KCNQ5: variants seen among roughly 807,000 people sequenced by gnomAD.
The protein encoded by KCNQ5 is potassium voltage-gated channel subfamily Q member 5.
Under a neutral mutation model 98.2 loss-of-function variants are expected in KCNQ5, and 30 were observed. That is an observed-to-expected ratio of 0.31 (90% CI 0.23 to 0.41). The LOEUF is 0.41. KCNQ5 is among the 10% of genes least tolerant of loss of function. KCNQ5 has a pLI of 1.00. For synonymous variants in KCNQ5, 458 were observed against 449.4 expected (o/e 1.02, Z -0.24); for missense variants, 835 against 1,182.5 (o/e 0.71, Z 4.31).
At chr6:72,860,320 A>G (rs182227441) in intron 1 of KCNQ5, among the ~76,000 whole-genome samples, 3 of 151,856 alleles carry the variant, frequency 2.0e-5, no homozygotes, top group African/African-American at 7.2e-5. Flanking sequence ...CTCTATTCCA[A>G]TTCGGTTATT....
At chr6:72,808,465 G>C (rs908644188) in intron 1 of KCNQ5, among the ~76,000 whole-genome samples, 2 of 152,146 alleles carry the variant, frequency 1.3e-5, no homozygotes, top group African/African-American at 4.8e-5. Context: ...GGTACCCATT[G>C]TCAAAACCCA....
At chr6:73,089,018 T>C (rs948320698) in intron 5 of KCNQ5, among the ~76,000 whole-genome samples, 12 of 152,178 alleles carry the variant, frequency 7.9e-5, no homozygotes, top group African/African-American at 2.7e-4. Flanking sequence ...ATTATGTACT[T>C]TGCTTACAAA....
chr6:73,124,666 G>A, intron 9 of KCNQ5, 154 bp downstream of exon 9: 1 of 715,210 alleles, frequency 1.4e-6, no homozygotes, highest in East Asian at 2.7e-5. Flanking sequence ...CTATTTTATT[G>A]ATATTTCGCC....
intron 1 of KCNQ5, among the ~76,000 whole-genome samples, chr6:72,893,383 G>T (rs1779129454): frequency 1.3e-5 from 2 of 152,140 alleles, no homozygotes; most frequent in Non-Finnish European, 2.9e-5. Context: ...GTAAGTGTGT[G>T]ACAATGGGCA....
chr6:72,623,391 AGTGTGTGTGT>A (rs1214797915), intron 1 of KCNQ5, among the ~76,000 whole-genome samples: 43 of 143,144 alleles, frequency 3.0e-4, no homozygotes, highest in Non-Finnish European at 3.8e-4. Context: ...GGAGTCAAAG[AGTGTGTGTGT>A]GTGTGTGTGT....
chr6:73,056,463 C>G (rs935046756), intron 3 of KCNQ5, among the ~76,000 whole-genome samples: 1 of 151,990 alleles, frequency 6.6e-6, no homozygotes, highest in Non-Finnish European at 1.5e-5. Flanking sequence ...AAGGGTTTCT[C>G]GTGGTGGTTG....
intron 2 of KCNQ5, among the ~76,000 whole-genome samples, chr6:73,030,383 CA>C (rs1480877634): frequency 6.6e-6 from 1 of 152,128 alleles, no homozygotes; most frequent in African/African-American, 2.4e-5. Context: ...GTTTCAATAT[CA>C]AGTTCTGAAA....
Position 73,123,963 on chromosome 6 carries a change from C to T in KCNQ5, c.1221-523C>T, listed in dbSNP as rs991405115. Reference sequence around the variant, plus strand: ...ATGAGTTATTACAAATGCCACCCAACAGTATAGGCTAAAAGAGTTTTGGTA... The same window carrying T: ...ATGAGTTATTACAAATGCCACCCAATAGTATAGGCTAAAAGAGTTTTGGTA... On this transcript the variant is annotated intron_variant, in intron 8 of 13. Transcript: ENST00000370398. Among the ~76,000 whole-genome samples, 7 of 152,274 alleles carry T rather than the reference C, an allele frequency of 4.6e-5. 1 individual carries two copies. In the South Asian group the frequency reaches 1.4e-3, roughly 32 times the overall value.
At chr6:73,109,513 G>C (rs1775140201) in intron 6 of KCNQ5, among the ~76,000 whole-genome samples, 1 of 152,096 alleles carries the variant, frequency 6.6e-6, no homozygotes, top group Admixed American at 6.5e-5. Flanking sequence ...TTTATGAAAA[G>C]TAGTATTAAA....
intron 1 of KCNQ5, among the ~76,000 whole-genome samples, chr6:72,675,689 C>T (rs534347838): frequency 6.6e-6 from 1 of 152,290 alleles, no homozygotes; most frequent in South Asian, 2.1e-4. Context: ...GACAGTTTTC[C>T]AGAATGACTC....
At chr6:72,747,318 G>T (rs907126621) in intron 1 of KCNQ5, among the ~76,000 whole-genome samples, 1 of 152,060 alleles carries the variant, frequency 6.6e-6, no homozygotes, top group African/African-American at 2.4e-5. Flanking sequence ...CATTAATAAA[G>T]AATTCTTTTA....
In KCNQ5 at chr6:72,984,866, T is replaced by A. The variant is rs549914162; in HGVS notation, c.399-19042T>A. ...TGGAACCAATCCCAACAATTTTTTTTAATAACAGTAAAAACAAGAAATTCG... is the reference window on the plus strand; with the variant it reads ...TGGAACCAATCCCAACAATTTTTTTAAATAACAGTAAAAACAAGAAATTCG... On this transcript the variant is annotated intron_variant, in intron 1 of 13. Coordinates refer to ENST00000370398, the MANE Select transcript of KCNQ5 (RefSeq NM_019842.4). Among the ~76,000 whole-genome samples, 4 of 152,302 alleles carry A rather than the reference T, an allele frequency of 2.6e-5. No homozygotes were observed. In the East Asian group the frequency reaches 7.7e-4, roughly 29 times the overall value.
chr6:73,073,022 T>C (rs1386854314), intron 3 of KCNQ5, among the ~76,000 whole-genome samples: 1 of 152,228 alleles, frequency 6.6e-6, no homozygotes, highest in Non-Finnish European at 1.5e-5. Context: ...TCATTTTATT[T>C]CTGCTTTCTC....
chr6:72,622,119 G>C lies in KCNQ5; in HGVS notation c.-71G>C. ...GCCGCCGGCTTCCTCCTTGAAACCCGCCGGCGCACATGAGGCCGCTGCCCC... is the reference window on the plus strand; with the variant it reads ...GCCGCCGGCTTCCTCCTTGAAACCCCCCGGCGCACATGAGGCCGCTGCCCC... On this transcript the variant is annotated 5_prime_UTR_variant, in exon 1 of 14. Transcript: ENST00000370398. This position sits in a 1 kb window ranked among gnomAD's most constrained non-coding sequence, Gnocchi z 6.0. 1 of 1,184,782 alleles carries C rather than the reference G, an allele frequency of 8.4e-7. No individual in the cohort carries two copies. Among genetic ancestry groups the C allele is most frequent in the Non-Finnish European group, 1.0e-6 (1 of 953,136 alleles). 73.4% of individuals were successfully genotyped at this position (1,184,782 alleles called of 1,614,324 possible). A position where few individuals can be genotyped will look rare whatever the true frequency, so the allele number is the denominator to read the frequency against.
intron 9 of KCNQ5, among the ~76,000 whole-genome samples, chr6:73,126,631 C>T (rs1323485531): frequency 1.3e-5 from 2 of 152,084 alleles, no homozygotes; most frequent in African/African-American, 4.8e-5. Flanking sequence ...TAAATATGTA[C>T]AAAACCACTG....
At chr6:72,747,708 T>A (rs1771474396) in intron 1 of KCNQ5, among the ~76,000 whole-genome samples, 1 of 152,182 alleles carries the variant, frequency 6.6e-6, no homozygotes, top group Non-Finnish European at 1.5e-5. Flanking sequence ...GTTAGTTACA[T>A]AGCATATGAA....
chr6:73,132,654 A>G (rs1242917025), intron 9 of KCNQ5, among the ~76,000 whole-genome samples: 1 of 152,254 alleles, frequency 6.6e-6, no homozygotes, highest in Non-Finnish European at 1.5e-5. Context: ...CTTAGCCGGC[A>G]TCAGAGAACT....
At chr6:72,930,129 TA>T (rs893155534) in intron 1 of KCNQ5, among the ~76,000 whole-genome samples, 13 of 147,754 alleles carry the variant, frequency 8.8e-5, no homozygotes, top group South Asian at 2.2e-4. Context: ...TCATATTTAA[TA>T]AAAAAAAAAG....
At chr6:72,634,070 A>G (rs2154471691) in intron 1 of KCNQ5, among the ~76,000 whole-genome samples, 1 of 152,360 alleles carries the variant, frequency 6.6e-6, no homozygotes, top group African/African-American at 2.4e-5. Flanking sequence ...AGGCTGCTAT[A>G]ATCTTGATTG....
Sources: allele counts gnomAD v4.1 joint callset (sites outside exome capture counted in the v4.1 genomes callset), GRCh38; gene constraint gnomAD v4.1.1; non-coding constraint Gnocchi (gnomAD v3.1); transcripts MANE v1.5; gene names NCBI Gene and HGNC (gene_info 2026-07-23, HGNC 2026-07-21).